Variants in ZNF648 observed in about 807,000 individuals in gnomAD.
The protein encoded by ZNF648 is zinc finger protein 648.
A neutral mutation model predicts 0.3 loss-of-function variants in ZNF648; 1 was observed. The ratio of observed to expected loss-of-function variants is 3.90; its 90% CI spans 1.39 to 18.51. ZNF648 has a LOEUF of 18.51. Ranked by LOEUF, ZNF648 falls within the 30% of genes most tolerant of loss-of-function variation. The pLI is 0.11. For missense variants in ZNF648, 874 were observed against 769.7 expected, an observed-to-expected ratio of 1.14 and a Z score of -1.60; for synonymous variants, 376 against 326.8, an observed-to-expected ratio of 1.15 and a Z score of -1.62.
rs367568463 is a variant in ZNF648 at position 182,056,273 on chromosome 1, G to A, written c.*31C>T. 221 of 1,574,802 alleles carry A rather than the reference G, an allele frequency of 1.4e-4. No individual in the cohort carries two copies. Among genetic ancestry groups the A allele is most frequent in the Non-Finnish European group, 1.8e-4 (203 of 1,159,322 alleles). ...CATGTGAGTGGGCCCACCTGGGAAG[G>A]TTCCAAGTAGTGAGGTCGACGATGC... On this transcript the variant is annotated 3_prime_UTR_variant, in exon 2 of 2. Transcript: ENST00000339948.
upstream of ZNF648, among the ~76,000 whole-genome samples, chr1:182,065,266 C>T (rs941763483): frequency 2.0e-5 from 3 of 152,098 alleles, no homozygotes; most frequent in Non-Finnish European, 4.4e-5. Context: ...CTTGACTCTA[C>T]CCTTATTTCC....
At chr1:182,060,031 G>A (rs1192183928) in intron 1 of ZNF648, among the ~76,000 whole-genome samples, 1 of 152,186 alleles carries the variant, frequency 6.6e-6, no homozygotes, top group South Asian at 2.1e-4. Context: ...CTCTGCCCAA[G>A]AGCAGCTGCA....
intron 1 of ZNF648, among the ~76,000 whole-genome samples, chr1:182,060,062 G>A (rs572401279): frequency 1.0e-3 from 153 of 152,318 alleles, no homozygotes; most frequent in African/African-American, 3.2e-3. Flanking sequence ...GTGAAAAGCC[G>A]TGGCTTTCTG....
In ZNF648 at chr1:182,056,115, G is replaced by T; in HGVS notation, c.*189C>A. On this transcript the variant is annotated 3_prime_UTR_variant, in exon 2 of 2. Coordinates refer to ENST00000339948, the MANE Select transcript of ZNF648 (RefSeq NM_001009992.1). ...ATGACCTCGGACACTCAGAACCACT[G>T]ATGTGAAACCACCCACCTGGGTGCT... 1 of 713,158 alleles carries T rather than the reference G, an allele frequency of 1.4e-6. No homozygotes were observed. Among genetic ancestry groups the T allele is most frequent in the Non-Finnish European group, 2.3e-6 (1 of 444,276 alleles). 44.2% of individuals were successfully genotyped at this position (713,158 alleles called of 1,614,324 possible). A position where few individuals can be genotyped will look rare whatever the true frequency, so the allele number is the denominator to read the frequency against.
chr1:182,056,043 C>T lies in ZNF648; in HGVS notation c.*261G>A, dbSNP rs111673139. ...AGGTTCCCCAACCCAAGGAACTCAA[C>T]GTTTGATCAGCTCCCACTACTTTGT... is the stretch of plus-strand genomic sequence containing the variant. On this transcript the variant is annotated 3_prime_UTR_variant, in exon 2 of 2. Coordinates refer to ENST00000339948, the MANE Select transcript of ZNF648 (RefSeq NM_001009992.1). The T allele has an allele frequency of 4.4e-3, 2,093 of 476,552 alleles. 33 individuals are homozygous for T. The highest frequency in any genetic ancestry group is 0.037 in the African/African-American group (1,917 of 51,612). The allele number at this position is 476,552 out of a possible 1,614,324, so 29.5% of individuals were successfully genotyped here.
chr1:182,058,174 G>C, intron 1 of ZNF648, 101 bp from the exon 2 acceptor site: 1 of 804,448 alleles, frequency 1.2e-6, no homozygotes, highest in Non-Finnish European at 1.9e-6. Context: ...GTTTCCAACT[G>C]GTCTCCATGT....
At chr1:182,068,434 A>G in the ZNF648 span, 9 of 152,288 alleles carry the variant, frequency 5.9e-5, no homozygotes, top group South Asian at 1.9e-3. Context: ...AGAATAGAAC[A>G]GAAGACAGTA....
the ZNF648 span, among the ~76,000 whole-genome samples, chr1:182,067,170 A>G: frequency 6.6e-6 from 1 of 152,190 alleles, no homozygotes; most frequent in Non-Finnish European, 1.5e-5. Context: ...GAACAGTGCC[A>G]GGTAGAATGC....
At position 182,056,013 on chromosome 1, in the gene ZNF648, G is replaced by T. The variant is rs1052297316; in HGVS notation, c.*291C>A. ...GTAATTCTAGAAGCAGTTTCTGATTGATTCAGGTTCCCCAACCCAAGGAAC... is the reference window on the plus strand; with the variant it reads ...GTAATTCTAGAAGCAGTTTCTGATTTATTCAGGTTCCCCAACCCAAGGAAC... On this transcript the variant is annotated 3_prime_UTR_variant, in exon 2 of 2. Transcript: ENST00000339948. 2.5e-6 allele frequency: 1 copy of T among 401,936 alleles called. No homozygotes were observed. The highest frequency in any genetic ancestry group is 4.5e-6 in the Non-Finnish European group (1 of 224,004). 24.9% of individuals were successfully genotyped at this position (401,936 alleles called of 1,614,324 possible). A position where few individuals can be genotyped will look rare whatever the true frequency, so the allele number is the denominator to read the frequency against.
chr1:182,059,550 C>A (rs936575325), intron 1 of ZNF648, among the ~76,000 whole-genome samples: 1 of 152,106 alleles, frequency 6.6e-6, no homozygotes, highest in Non-Finnish European at 1.5e-5. Context: ...ACGTTATGAG[C>A]CAGCCACTAT....
upstream of ZNF648, among the ~76,000 whole-genome samples, chr1:182,061,930 T>G (rs1666037401): frequency 6.6e-6 from 1 of 152,174 alleles, no homozygotes; most frequent in South Asian, 2.1e-4. Context: ...TCACTTTCAC[T>G]CCTTCCTTCC....
At position 182,061,671 on chromosome 1, in the gene ZNF648, C is replaced by T. The variant is rs758658435; in HGVS notation, c.-167G>A. The stretch of plus-strand genomic sequence containing the variant: ...AGGTACAAATCAGCAGAGATGGTGT[C>T]TCTGTCTCTCACGCTTTGTGTCCAG... On this transcript the variant is annotated 5_prime_UTR_variant, in exon 1 of 2. Transcript: ENST00000339948. The T allele has an allele frequency of 6.6e-6, 1 of 152,428 alleles. No homozygotes were observed. Among genetic ancestry groups the T allele is most frequent in the African/African-American group, 2.4e-5 (1 of 41,466 alleles). 9.4% of individuals were successfully genotyped at this position (152,428 alleles called of 1,614,324 possible). A position where few individuals can be genotyped will look rare whatever the true frequency, so the allele number is the denominator to read the frequency against.
the ZNF648 span, among the ~76,000 whole-genome samples, chr1:182,069,446 C>G: frequency 1.3e-5 from 2 of 152,218 alleles, no homozygotes; most frequent in African/African-American, 4.8e-5. Flanking sequence ...TCATAGCACT[C>G]TGGCCACGGG....
upstream of ZNF648, among the ~76,000 whole-genome samples, chr1:182,061,903 G>T (rs1307447862): frequency 4.6e-5 from 7 of 152,154 alleles, no homozygotes; most frequent in Admixed American, 2.6e-4. Context: ...TCCTGCAGGT[G>T]GCCCTATGCC....
chr1:182,062,367 G>A (rs1666043137), upstream of ZNF648, among the ~76,000 whole-genome samples: 1 of 152,204 alleles, frequency 6.6e-6, no homozygotes, highest in Admixed American at 6.5e-5. Flanking sequence ...AGTCTAATGT[G>A]CATTTATTAG....
At position 182,056,883 on chromosome 1, in the gene ZNF648, C is replaced by G; in HGVS notation, c.1128G>C (p.Pro376=). The change falls in exon 2 of 2, where the codon CCG becomes CCC. Residue 376 remains proline, a synonymous_variant. Coordinates refer to ENST00000339948, the MANE Select transcript of ZNF648 (RefSeq NM_001009992.1). The part of the protein sequence containing the change: ...CSECGLTFNK[P]LSLLRHQRTH... ...TGCGCTGGTGGCGCAGCAGCGACAG[C>G]GGCTTGTTGAAGGTCAGGCCGCACT... The G allele has an allele frequency of 6.3e-7, 1 of 1,578,534 alleles. No homozygotes were observed. The highest frequency in any genetic ancestry group is 8.6e-7 in the Non-Finnish European group (1 of 1,162,838).
Position 182,057,039 on chromosome 1 carries a change from C to T in ZNF648, c.972G>A (p.Lys324=), listed in dbSNP as rs202106092. 2.5e-5 allele frequency: 41 copies of T among 1,613,550 alleles called. 1 individual carries two copies. In the East Asian group the frequency reaches 8.7e-4, roughly 34 times the overall value. Residue 324 remains lysine, a synonymous_variant, in exon 2 of 2, where the codon AAG becomes AAA. Transcript: ENST00000339948. ...TCTCGCCTGTGTGGGTGCGGATGTGCTTCCGGTGGTCGGAGGACCAGGTGT... is the reference window on the plus strand; with the variant it reads ...TCTCGCCTGTGTGGGTGCGGATGTGTTTCCGGTGGTCGGAGGACCAGGTGT... ...KAYTWSSDHR[K]HIRTHTGEKP...
chr1:182,063,490 G>A (rs1666057781), upstream of ZNF648: 1 of 152,088 alleles, frequency 6.6e-6, no homozygotes, highest in Non-Finnish European at 1.5e-5. Flanking sequence ...TTTGTTGGCT[G>A]CATGTATGTC....
In ZNF648 at chr1:182,055,126, A is replaced by G. The variant is rs1323309461; in HGVS notation, c.*1178T>C. 6 of 152,222 alleles carry G rather than the reference A, an allele frequency of 3.9e-5. No homozygotes were observed. Among genetic ancestry groups the G allele is most frequent in the Admixed American group, 3.9e-4 (6 of 15,282 alleles). 9.4% of individuals were successfully genotyped at this position (152,222 alleles called of 1,614,324 possible). On this transcript the variant is annotated 3_prime_UTR_variant, in exon 2 of 2. Transcript: ENST00000339948. This position sits in a 1 kb window ranked among gnomAD's most constrained non-coding sequence, Gnocchi z 4.1. Reference sequence around the variant, plus strand: ...ACCAAGGACATCTGTGGAGTCATAGATTCCTCACAGTTGAGGTTCAGCTAA... The same window carrying G: ...ACCAAGGACATCTGTGGAGTCATAGGTTCCTCACAGTTGAGGTTCAGCTAA...
Sources: gnomAD v4.1 joint callset for allele counts (sites outside exome capture counted in the v4.1 genomes callset) on GRCh38, gnomAD v4.1.1 for gene constraint, Gnocchi (gnomAD v3.1) non-coding constraint, MANE v1.5 for transcripts, NCBI Gene and HGNC (gene_info 2026-07-23, HGNC 2026-07-21) for gene names.